SDK1: variants seen among roughly 807,000 people sequenced by gnomAD.
SDK1 encodes the protein sidekick cell adhesion molecule 1.
Under a neutral mutation model 245.5 loss-of-function variants are expected in SDK1, and 157 were observed. The ratio of observed to expected loss-of-function variants is 0.64; its 90% CI spans 0.56 to 0.73. SDK1 has a LOEUF of 0.73. SDK1 is among the 30% of genes least tolerant of loss of function. SDK1 has a pLI of 0.00. For missense variants in SDK1, 3,583 were observed against 3,002.3 expected (o/e 1.19, Z -4.52); for synonymous variants, 1,647 against 1,278.5 (o/e 1.29, Z -6.15).
intron 4 of SDK1, among the ~76,000 whole-genome samples, chr7:3,644,356 A>G (rs1053036889): frequency 2.0e-5 from 3 of 151,658 alleles, no homozygotes; most frequent in African/African-American, 7.3e-5. Context: ...TTTAATTACA[A>G]GTTACTTAGG....
chr7:4,218,295 A>G (rs955733274), intron 38 of SDK1, among the ~76,000 whole-genome samples: 1 of 152,184 alleles, frequency 6.6e-6, no homozygotes, highest in Non-Finnish European at 1.5e-5. Flanking sequence ...CATGAGGCTA[A>G]GGCAGGAGAA....
At chr7:3,741,954 G>T (rs1779486108) in intron 4 of SDK1, among the ~76,000 whole-genome samples, 1 of 148,166 alleles carries the variant, frequency 6.7e-6, no homozygotes, top group Non-Finnish European at 1.5e-5. Context: ...CTATTTTTTT[G>T]AGTGGCAATT....
chr7:3,908,738 G>A (rs1779048679), intron 5 of SDK1, among the ~76,000 whole-genome samples: 1 of 152,054 alleles, frequency 6.6e-6, no homozygotes, highest in Admixed American at 6.5e-5. Context: ...GAGAATACAT[G>A]ATAAATTTAT....
intron 1 of SDK1, among the ~76,000 whole-genome samples, chr7:3,412,554 T>G (rs1282806036): frequency 6.6e-6 from 1 of 152,246 alleles, no homozygotes; most frequent in Non-Finnish European, 1.5e-5. Flanking sequence ...CCTTTTGCTC[T>G]TACGCAGAGT....
intron 26 of SDK1, among the ~76,000 whole-genome samples, chr7:4,129,085 G>T: frequency 7.2e-6 from 1 of 138,034 alleles, no homozygotes; most frequent in Non-Finnish European, 1.6e-5. Flanking sequence ...GAATAGAGCA[G>T]CTTGGGGTGG....
chr7:3,978,593 T>C (rs1268287759), intron 13 of SDK1, among the ~76,000 whole-genome samples: 1 of 152,170 alleles, frequency 6.6e-6, no homozygotes, highest in African/African-American at 2.4e-5. Context: ...TGTTCCTTCA[T>C]GGGGTGTCTT....
intron 13 of SDK1, among the ~76,000 whole-genome samples, chr7:3,985,976 G>A (rs1783800980): frequency 6.6e-6 from 1 of 152,132 alleles, no homozygotes; most frequent in South Asian, 2.1e-4. Context: ...GGTGACCCGG[G>A]TCACACTCAG....
intron 5 of SDK1, among the ~76,000 whole-genome samples, chr7:3,879,171 A>G (rs968327239): frequency 6.6e-6 from 1 of 152,172 alleles, no homozygotes; most frequent in African/African-American, 2.4e-5. Flanking sequence ...CACACCACTG[A>G]ATATTCTTAC....
chr7:3,859,437 T>G (rs902755705), intron 5 of SDK1, among the ~76,000 whole-genome samples: 7 of 150,852 alleles, frequency 4.6e-5, no homozygotes, highest in Admixed American at 2.6e-4. Context: ...CTGGTTTTGG[T>G]TTTTTTTTCA....
intron 20 of SDK1, among the ~76,000 whole-genome samples, chr7:4,070,418 G>C (rs10248826): frequency 0.077 from 11,745 of 152,204 alleles, 1,023 homozygotes; most frequent in African/African-American, 0.21. Context: ...GAGCCACCTC[G>C]GGCTGGAGGC....
chr7:3,943,390 C>A (rs976626867), intron 5 of SDK1, among the ~76,000 whole-genome samples: 1 of 138,088 alleles, frequency 7.2e-6, no homozygotes, highest in African/African-American at 2.7e-5. Flanking sequence ...CCTTCTCCCC[C>A]CACTTCCTCC....
chr7:3,531,176 G>A (rs935284808), intron 1 of SDK1, among the ~76,000 whole-genome samples: 7 of 152,166 alleles, frequency 4.6e-5, no homozygotes, highest in African/African-American at 1.4e-4. Flanking sequence ...ACTACATAGG[G>A]TTTGCAGTTG....
At chr7:3,492,843 CTAA>C (rs1295843630) in intron 1 of SDK1, among the ~76,000 whole-genome samples, 1 of 152,200 alleles carries the variant, frequency 6.6e-6, no homozygotes, top group East Asian at 1.9e-4. Flanking sequence ...TGTTAGTTGA[CTAA>C]TGACTAAAAT....
intron 1 of SDK1, among the ~76,000 whole-genome samples, chr7:3,539,507 C>T (rs972422065): frequency 3.9e-5 from 6 of 152,128 alleles, no homozygotes; most frequent in Non-Finnish European, 8.8e-5. Context: ...AGTTTCTGCC[C>T]GCCTTGAAAG....
intron 32 of SDK1, among the ~76,000 whole-genome samples, chr7:4,168,955 G>A (rs1011774886): frequency 6.6e-6 from 1 of 152,226 alleles, no homozygotes; most frequent in Non-Finnish European, 1.5e-5. Flanking sequence ...ACTCCCAGCA[G>A]GACCGCCTGG....
At chr7:3,547,005 T>C (rs750370016) in intron 1 of SDK1, among the ~76,000 whole-genome samples, 1 of 152,150 alleles carries the variant, frequency 6.6e-6, no homozygotes, top group African/African-American at 2.4e-5. Flanking sequence ...TCTGAAAATC[T>C]CAAGGAATTT....
At chr7:3,988,381 C>T (rs923051363) in intron 14 of SDK1, among the ~76,000 whole-genome samples, 4 of 152,012 alleles carry the variant, frequency 2.6e-5, no homozygotes, top group Non-Finnish European at 5.9e-5. Flanking sequence ...CTGCAGCAGC[C>T]TTCCAGCCGG....
chr7:3,504,682 T>C (rs1782333109), intron 1 of SDK1, among the ~76,000 whole-genome samples: 1 of 151,944 alleles, frequency 6.6e-6, no homozygotes, highest in Non-Finnish European at 1.5e-5. Flanking sequence ...TAGCTAAAAC[T>C]ATGAAACTCT....
rs758373837 is a variant in SDK1, at chr7:4,011,102, C to T, written c.2268C>T (p.Ala756=). Residue 756 remains alanine (A), a synonymous_variant, in exon 15 of 45, where the codon GCC becomes GCT. Coordinates refer to ENST00000404826, the MANE Select transcript of SDK1 (RefSeq NM_152744.4). ...VNEVGRGQYS[A]ETSRLMLPEE... ...AAGTGGGCAGGGGCCAGTACAGCGC[C>T]GAGACAAGCAGGTGCGTGAATCCCG... 42 of 1,613,764 alleles carry T rather than the reference C, an allele frequency of 2.6e-5. No individual in the cohort carries two copies. The highest frequency in any genetic ancestry group is 1.2e-4 in the South Asian group (11 of 91,050).
Sources: gnomAD v4.1 joint callset for allele counts (sites outside exome capture counted in the v4.1 genomes callset) on GRCh38, gnomAD v4.1.1 for gene constraint, MANE v1.5 for transcripts, NCBI Gene and HGNC (gene_info 2026-07-23, HGNC 2026-07-21) for gene names.